The following GABRB2 variants were observed in gnomAD, a reference collection of about 807,000 sequenced individuals.
The protein encoded by GABRB2 is gamma-aminobutyric acid type A receptor subunit beta2.
A neutral mutation model predicts 54.7 loss-of-function variants in GABRB2; 16 were observed. That is an observed-to-expected ratio of 0.29 (90% CI 0.20 to 0.44). The LOEUF (loss-of-function observed/expected upper bound fraction) is 0.44, where lower values mean the gene tolerates loss of function less well. Among genes scored for constraint, GABRB2 ranks in the 20% least tolerant of loss-of-function variants. The pLI, the probability that GABRB2 is intolerant of heterozygous loss-of-function variation, is 1.00. For synonymous variants in GABRB2, 244 were observed against 233.8 expected (o/e 1.04, Z -0.40); for missense variants, 355 against 644.0 (o/e 0.55, Z 4.86).
chr5:161,406,840 A>G (rs906433522), intron 5 of GABRB2, among the ~76,000 whole-genome samples: 1 of 152,028 alleles, frequency 6.6e-6, no homozygotes, highest in African/African-American at 2.4e-5. Flanking sequence ...CTCAGTAAAC[A>G]CTTTGTGTAT....
chr5:161,356,443 C>T (rs1021554652), intron 5 of GABRB2, among the ~76,000 whole-genome samples: 1 of 152,102 alleles, frequency 6.6e-6, no homozygotes, highest in Non-Finnish European at 1.5e-5. Flanking sequence ...CCTCCATAGC[C>T]CCTGATGAAC....
intron 5 of GABRB2, among the ~76,000 whole-genome samples, chr5:161,406,842 T>A (rs1323412340): frequency 6.6e-6 from 1 of 152,050 alleles, no homozygotes; most frequent in Non-Finnish European, 1.5e-5. Flanking sequence ...CAGTAAACAC[T>A]TTGTGTATCC....
At chr5:161,454,020 A>G (rs1442223629) in intron 4 of GABRB2, among the ~76,000 whole-genome samples, 1 of 149,856 alleles carries the variant, frequency 6.7e-6, no homozygotes, top group Non-Finnish European at 1.5e-5. Context: ...CCTTGGAGAC[A>G]GAGTGAGATT....
intron 5 of GABRB2, among the ~76,000 whole-genome samples, chr5:161,349,912 C>A (rs920148887): frequency 2.0e-5 from 3 of 152,052 alleles, no homozygotes; most frequent in African/African-American, 4.8e-5. Flanking sequence ...CTAAGCCAAT[C>A]CTTATTTTTG....
intron 3 of GABRB2, among the ~76,000 whole-genome samples, chr5:161,476,247 T>A (rs896900813): frequency 6.6e-6 from 1 of 151,820 alleles, no homozygotes; most frequent in Non-Finnish European, 1.5e-5. Flanking sequence ...TAACAAAAGA[T>A]GTGTACTCTG....
At chr5:161,357,971 C>A (rs1045786311) in intron 5 of GABRB2, among the ~76,000 whole-genome samples, 8 of 152,178 alleles carry the variant, frequency 5.3e-5, no homozygotes, top group African/African-American at 1.9e-4. Flanking sequence ...TGATTGGAGA[C>A]AAATATTTCA....
chr5:161,467,172 A>T (rs1339172968), intron 3 of GABRB2, among the ~76,000 whole-genome samples: 1 of 152,102 alleles, frequency 6.6e-6, no homozygotes, highest in African/African-American at 2.4e-5. Flanking sequence ...TGGTGATTAA[A>T]CTTGCTTGTT....
At chr5:161,334,729 C>T in intron 7 of GABRB2, 23 bp downstream of exon 7, 1 of 1,611,008 alleles carries the variant, frequency 6.2e-7, no homozygotes, top group African/African-American at 1.3e-5. Context: ...TCAAAATCCA[C>T]AAGCAGTAAT....
At chr5:161,414,005 A>T (rs559221864) in intron 4 of GABRB2, among the ~76,000 whole-genome samples, 2 of 152,352 alleles carry the variant, frequency 1.3e-5, no homozygotes, top group African/African-American at 4.8e-5. Flanking sequence ...CTCATGTTTT[A>T]AAAATAAATT....
intron 4 of GABRB2, among the ~76,000 whole-genome samples, chr5:161,453,408 C>T (rs1757850496): frequency 6.6e-6 from 1 of 152,062 alleles, no homozygotes; most frequent in Admixed American, 6.6e-5. Flanking sequence ...GGAGAAAGAG[C>T]CTTTGGGGAG....
At chr5:161,524,820 A>G (rs1367711830) in intron 3 of GABRB2, among the ~76,000 whole-genome samples, 2 of 151,294 alleles carry the variant, frequency 1.3e-5, no homozygotes, top group African/African-American at 4.8e-5. Flanking sequence ...ACTTTCCATA[A>G]CATGATTTTT....
chr5:161,530,750 TAAC>T (rs1327668467), intron 3 of GABRB2, among the ~76,000 whole-genome samples: 1 of 152,106 alleles, frequency 6.6e-6, no homozygotes, highest in Non-Finnish European at 1.5e-5. Context: ...ACTTTTAAAA[TAAC>T]AAAGGTGCCA....
intron 9 of GABRB2, among the ~76,000 whole-genome samples, chr5:161,299,659 T>C (rs1410875987): frequency 6.6e-6 from 1 of 152,056 alleles, no homozygotes; most frequent in African/African-American, 2.4e-5. Context: ...TTCCTCCTCT[T>C]CCTCCTTCTT....
intron 7 of GABRB2, among the ~76,000 whole-genome samples, chr5:161,333,615 C>T (rs538221874): frequency 6.6e-6 from 1 of 152,206 alleles, no homozygotes; most frequent in African/African-American, 2.4e-5. Context: ...GCCTACCATC[C>T]CTTTGTAATA....
chr5:161,311,763 C>A (rs1337162579), intron 9 of GABRB2, among the ~76,000 whole-genome samples: 2 of 152,178 alleles, frequency 1.3e-5, no homozygotes, highest in Non-Finnish European at 2.9e-5. Context: ...GAATCTCAAG[C>A]CTTACCCTAG....
intron 5 of GABRB2, among the ~76,000 whole-genome samples, chr5:161,360,122 T>C (rs11948074): frequency 0.024 from 3,658 of 151,376 alleles, 147 homozygotes; most frequent in African/African-American, 0.083. Flanking sequence ...TTTCATAGAG[T>C]AGGCTACTGA....
chr5:161,369,100 C>T (rs1267577653), intron 5 of GABRB2, among the ~76,000 whole-genome samples: 2 of 152,116 alleles, frequency 1.3e-5, no homozygotes, highest in African/African-American at 2.4e-5. Flanking sequence ...AACTTCTAAC[C>T]CTGGAGCTTC....
chr5:161,386,546 A>C (rs1755643657), intron 5 of GABRB2, among the ~76,000 whole-genome samples: 2 of 152,122 alleles, frequency 1.3e-5, no homozygotes, highest in South Asian at 4.1e-4. Flanking sequence ...AAAATTTCAT[A>C]CTTTTTAAAA....
intron 3 of GABRB2, among the ~76,000 whole-genome samples, chr5:161,530,040 C>T (rs1760409180): frequency 6.6e-6 from 1 of 152,042 alleles, no homozygotes; most frequent in Middle Eastern, 3.2e-3. Flanking sequence ...CTCCATCTCC[C>T]TCTCTGGATC....
Sources: gnomAD v4.1 joint callset for allele counts (sites outside exome capture counted in the v4.1 genomes callset) on GRCh38, gnomAD v4.1.1 for gene constraint, MANE v1.5 for transcripts, NCBI Gene and HGNC (gene_info 2026-07-23, HGNC 2026-07-21) for gene names.